The following DCAF4 variants were observed in gnomAD, a reference collection of about 807,000 sequenced individuals.
The protein encoded by DCAF4 is DDB1 and CUL4 associated factor 4.
In DCAF4, 37 loss-of-function variants were observed where a neutral mutation model predicts 60.9. The observed-to-expected ratio is 0.61, with a 90% CI of 0.47 to 0.80. DCAF4 has a LOEUF of 0.80. Among genes scored for constraint, DCAF4 ranks in the 30% least tolerant of loss-of-function variants. DCAF4 has a pLI of 0.00. For missense variants in DCAF4, 577 were observed against 650.0 expected (o/e 0.89, Z 1.22); for synonymous variants, 243 against 254.8 (o/e 0.95, Z 0.44).
chr14:72,939,544 A>G, intron 2 of DCAF4, among the ~76,000 whole-genome samples: 2 of 152,218 alleles, frequency 1.3e-5, no homozygotes, highest in East Asian at 3.8e-4. Flanking sequence ...GACCTCACAA[A>G]ATGCGCGAGT....
rs1892690588 is a variant in DCAF4 at position 72,959,411 on chromosome 14, TCTTACA to T, written c.*607_*612del. The stretch of plus-strand genomic sequence containing the variant: ...AGGCGTTGGAAGGAAAGATGGATCT[TCTTACA>T]TGCTAGAAGTTTTAAACGGTCCTTA... On this transcript the variant is annotated 3_prime_UTR_variant, in exon 14 of 14. Coordinates refer to ENST00000358377, the MANE Select transcript of DCAF4 (RefSeq NM_015604.4). 5 of 985,370 alleles carry T rather than the reference TCTTACA, an allele frequency of 5.1e-6. No individual in the cohort carries two copies. Among genetic ancestry groups the T allele is most frequent in the Admixed American group, 1.2e-4 (2 of 16,262 alleles). The allele number at this position is 985,370 out of a possible 1,614,324, so 61.0% of individuals were successfully genotyped here.
chr14:72,960,089 C>T (rs1186437276), downstream of DCAF4, among the ~76,000 whole-genome samples: 4 of 152,122 alleles, frequency 2.6e-5, no homozygotes, highest in Admixed American at 6.6e-5. Flanking sequence ...TAGGTAGACT[C>T]GCAGTTACCC....
At chr14:72,936,849 G>T (rs74062604) in intron 1 of DCAF4, among the ~76,000 whole-genome samples, 2,021 of 152,300 alleles carry the variant, frequency 0.013, 46 homozygotes, top group African/African-American at 0.044. Flanking sequence ...CATACAGGGT[G>T]TGTGACCCAG....
chr14:72,946,446 A>G (rs1380053095), intron 7 of DCAF4, among the ~76,000 whole-genome samples: 1 of 152,148 alleles, frequency 6.6e-6, no homozygotes, highest in Non-Finnish European at 1.5e-5. Flanking sequence ...ATAGGGAAAG[A>G]AAAGGACTCC....
chr14:72,936,693 C>T (rs1299715564), intron 1 of DCAF4, among the ~76,000 whole-genome samples: 1 of 152,078 alleles, frequency 6.6e-6, no homozygotes, highest in African/African-American at 2.4e-5. Flanking sequence ...ACTTTTGAAC[C>T]TGTTGGGTCT....
In DCAF4 at chr14:72,941,796, G is replaced by C; in HGVS notation, c.403G>C (p.Gly135Arg). The change falls in exon 5 of 14, where the codon GGT (glycine) becomes CGT (arginine). Residue 135 changes from glycine (G) to arginine (R), a missense_variant. Transcript: ENST00000358377. ...ASSMLRKSQL[G>R]FLNVTNYCHL... ...TTCCATGCTACGAAAAAGCCAGCTG[G>C]GTTTTCTCAACGTCACCAATTACTG... 1 of 1,613,942 alleles carries C rather than the reference G, an allele frequency of 6.2e-7. No homozygotes were observed. Among genetic ancestry groups the C allele is most frequent in the Non-Finnish European group, 8.5e-7 (1 of 1,179,962 alleles).
At chr14:72,939,992 A>AT (rs1288394032) in intron 3 of DCAF4, 90 bp downstream of exon 3, 5 of 1,343,472 alleles carry the variant, frequency 3.7e-6, no homozygotes, top group Non-Finnish European at 1.0e-6. Flanking sequence ...CCAGGAGCAA[A>AT]TTGAAACACT....
chr14:72,953,778 TTATTTGTGTGTGTGTGTGTGTGTG>T (rs1891870853), intron 9 of DCAF4, among the ~76,000 whole-genome samples: 1 of 32,390 alleles, frequency 3.1e-5, no homozygotes, highest in Admixed American at 4.1e-4. Context: ...ATTTATTTAT[TTATTTGTGTGTGTGTGTGTGTGTG>T]TGTGTGTGTG....
At chr14:72,931,491 G>A (rs1888570264) in intron 1 of DCAF4, among the ~76,000 whole-genome samples, 1 of 152,054 alleles carries the variant, frequency 6.6e-6, no homozygotes, top group Non-Finnish European at 1.5e-5. Context: ...AGGATTTTCT[G>A]TATATAAGAT....
chr14:72,951,949 G>C, intron 9 of DCAF4, 72 bp downstream of exon 9: 1 of 1,514,908 alleles, frequency 6.6e-7, no homozygotes, highest in Non-Finnish European at 9.2e-7. Flanking sequence ...GGCTTAGAGA[G>C]AAGTATGGGG....
intron 9 of DCAF4, among the ~76,000 whole-genome samples, chr14:72,952,781 G>A (rs1257481181): frequency 1.5e-5 from 2 of 132,144 alleles, no homozygotes; most frequent in African/African-American, 5.7e-5. Flanking sequence ...CACAACCTCC[G>A]CCTCCCAGGT....
In DCAF4 at chr14:72,954,370, T is replaced by C. The variant is rs1891984068; in HGVS notation, c.908-16T>C. 2 of 1,613,980 alleles carry C rather than the reference T, an allele frequency of 1.2e-6. No homozygotes were observed. Among genetic ancestry groups the C allele is most frequent in the African/African-American group, 1.3e-5 (1 of 75,006 alleles). On this transcript the variant is annotated splice_polypyrimidine_tract_variant and intron_variant, in intron 10 of 13. Transcript: ENST00000358377. ...CATGTGACATAATCTTACCAGCCCATCTCTGTCTCCGCCAGGCTTGTCTCG... is the reference window on the plus strand; with the variant it reads ...CATGTGACATAATCTTACCAGCCCACCTCTGTCTCCGCCAGGCTTGTCTCG...
intron 1 of DCAF4, among the ~76,000 whole-genome samples, chr14:72,933,888 G>A (rs920342483): frequency 2.9e-4 from 44 of 152,024 alleles, no homozygotes; most frequent in Admixed American, 2.9e-3. Flanking sequence ...TCCAGGCTCC[G>A]CTATCCCAAG....
At chr14:72,928,978 G>GA (rs1035418650) in intron 1 of DCAF4, among the ~76,000 whole-genome samples, 3 of 23,102 alleles carry the variant, frequency 1.3e-4, no homozygotes, top group Non-Finnish European at 2.7e-4. Context: ...CTACCTCCCA[G>GA]GGGAGGCGAG....
At chr14:72,943,203 A>T in intron 6 of DCAF4, 107 bp downstream of exon 6, 2 of 960,180 alleles carry the variant, frequency 2.1e-6, no homozygotes, top group Non-Finnish European at 3.2e-6. Context: ...GCCAACTGCA[A>T]TGAAAGTAGG....
intron 1 of DCAF4, among the ~76,000 whole-genome samples, chr14:72,934,329 T>C (rs1220781197): frequency 6.6e-6 from 1 of 152,046 alleles, no homozygotes; most frequent in Non-Finnish European, 1.5e-5. Context: ...AATTTTTGTA[T>C]TTTTAGTAGA....
intron 13 of DCAF4, among the ~76,000 whole-genome samples, chr14:72,958,330 T>C (rs1450279479): frequency 6.6e-6 from 1 of 152,182 alleles, no homozygotes; most frequent in East Asian, 1.9e-4. Flanking sequence ...ACACTCGCAC[T>C]TGAACGTTCC....
At chr14:72,928,189 T>TTTTTTTTTTTTTC (rs1887921903) in intron 1 of DCAF4, among the ~76,000 whole-genome samples, 1 of 110,356 alleles carries the variant, frequency 9.1e-6, no homozygotes, top group Admixed American at 9.3e-5. Context: ...TCCCCCCACT[T>TTTTTTTTTTTTTC]TTTTTTTTTT....
In DCAF4 at chr14:72,954,415, G is replaced by T. The variant is rs202174615; in HGVS notation, c.937G>T (p.Val313Leu). ...GLSRRVLLTN[V>L]VTGHRQSFGT... ...GTCTCGGCGGGTCCTGTTGACCAAC[G>T]TGGTGACGGGACACCGGCAGTCCTT... is the stretch of plus-strand genomic sequence containing the variant. Residue 313 changes from valine (V) to leucine (L), a missense_variant, in exon 11 of 14, where the codon GTG becomes TTG. Val to Leu is a conservative substitution (Grantham distance 32). Transcript: ENST00000358377. 2 of 1,614,228 alleles carry T rather than the reference G, an allele frequency of 1.2e-6. No individual in the cohort carries two copies. Among genetic ancestry groups the T allele is most frequent in the Admixed American group, 1.7e-5 (1 of 60,028 alleles).
Sources: allele counts gnomAD v4.1 joint callset (sites outside exome capture counted in the v4.1 genomes callset), GRCh38; gene constraint gnomAD v4.1.1; transcripts MANE v1.5; gene names NCBI Gene and HGNC (gene_info 2026-07-23, HGNC 2026-07-21).